Variants in CD8B2 observed in about 807,000 individuals in gnomAD.
The protein encoded by CD8B2 is CD8B family member 2.
Under a neutral mutation model 23.7 loss-of-function variants are expected in CD8B2, and 11 were observed. The ratio of observed to expected loss-of-function variants is 0.46; its 90% confidence interval spans 0.29 to 0.77. The LOEUF (loss-of-function observed/expected upper bound fraction) is 0.77, where lower values mean the gene tolerates loss of function less well. Ranked by LOEUF, CD8B2 falls within the 30% of genes least tolerant of loss-of-function variation. The pLI, the probability that CD8B2 is intolerant of heterozygous loss-of-function variation, is 0.09. For synonymous variants in CD8B2, 90 were observed against 109.3 expected, an observed-to-expected ratio of 0.82 and a Z score of 1.10; for missense variants, 197 against 270.5, an observed-to-expected ratio of 0.73 and a Z score of 1.91.
downstream of CD8B2, among the ~76,000 whole-genome samples, chr2:106,511,465 C>T (rs962691749): frequency 6.6e-4 from 88 of 133,600 alleles, no homozygotes; most frequent in African/African-American, 2.1e-3. Context: ...CCCTTCCTTT[C>T]AGTGGGAAGT....
chr2:106,530,561 A>G (rs1679978527), intron 5 of CD8B2, among the ~76,000 whole-genome samples: 2 of 152,138 alleles, frequency 1.3e-5, no homozygotes, highest in Non-Finnish European at 1.5e-5. Context: ...TTGTATTTTT[A>G]GTAGAGATGG....
Position 106,491,146 on chromosome 2 carries a change from G to A in CD8B2, c.316G>A (p.Val106Met), listed in dbSNP as rs533526934. Residue 106 changes from valine to methionine, a missense_variant, in exon 2 of 6, where the codon GTG becomes ATG. Around this residue, in one of 3 missense-constraint regions of CD8B2, gnomAD observed 140 missense variants for 164.2 expected, o/e 0.85. Coordinates refer to ENST00000643224, the MANE Select transcript of CD8B2 (RefSeq NM_001349727.2). ...ASRFILNLTS[V>M]KPEDSGIYFC... Reference sequence around the variant, plus strand: ...CCGGTTCATTCTCAATCTCACAAGCGTGAAGCCGGAGGACAGTGGCATCTA... The same window carrying A: ...CCGGTTCATTCTCAATCTCACAAGCATGAAGCCGGAGGACAGTGGCATCTA... The A allele has an allele frequency of 1.9e-5, 31 of 1,613,772 alleles. No individual in the cohort carries two copies. The highest frequency in any genetic ancestry group is 1.8e-4 in the South Asian group (16 of 91,076).
intron 5 of CD8B2, among the ~76,000 whole-genome samples, chr2:106,531,483 G>A (rs1419200543): frequency 6.6e-6 from 1 of 152,134 alleles, no homozygotes; most frequent in African/African-American, 2.4e-5. Context: ...TATCCAAGAT[G>A]TCCTGGAACC....
At chr2:106,504,441 G>A (rs753268838) in intron 5 of CD8B2, 116 bp downstream of exon 5, 43 of 1,534,598 alleles carry the variant, frequency 2.8e-5, no homozygotes, top group Non-Finnish European at 3.8e-5. Flanking sequence ...CATAGACTCG[G>A]CCGGGCGTGG....
At chr2:106,513,182 C>G (rs1481233382), downstream of CD8B2, among the ~76,000 whole-genome samples, 1 of 151,436 alleles carries the variant, frequency 6.6e-6, no homozygotes, top group African/African-American at 2.4e-5. Flanking sequence ...GTTTACTCTG[C>G]CAAGTACAAT....
chr2:106,515,762 G>T (rs1679720271), downstream of CD8B2, among the ~76,000 whole-genome samples: 1 of 152,074 alleles, frequency 6.6e-6, no homozygotes, highest in South Asian at 2.1e-4. Flanking sequence ...ACAGCATCAA[G>T]AAATCTGAGC....
At chr2:106,517,778 T>A (rs1679752913) in intron 5 of CD8B2, among the ~76,000 whole-genome samples, 1 of 152,098 alleles carries the variant, frequency 6.6e-6, no homozygotes, top group Non-Finnish European at 1.5e-5. Flanking sequence ...AGTGGCGCGA[T>A]CTCGGCTCAC....
intron 5 of CD8B2, among the ~76,000 whole-genome samples, chr2:106,524,927 C>T (rs1679888005): frequency 1.3e-5 from 2 of 152,114 alleles, no homozygotes; most frequent in African/African-American, 4.8e-5. Context: ...CTCAGAGCAC[C>T]CACTCCAGTA....
chr2:106,538,131 G>A (rs1396827224), intron 5 of CD8B2: 1 of 152,158 alleles, frequency 6.6e-6, no homozygotes, highest in African/African-American at 2.4e-5. Context: ...TCATCAGCTT[G>A]ACTACCAAAG....
chr2:106,502,398 G>A (rs1365388075), intron 3 of CD8B2, 76 bp from the exon 4 acceptor site: 11 of 768,124 alleles, frequency 1.4e-5, no homozygotes, highest in East Asian at 2.8e-5. Flanking sequence ...TGAATTTTTC[G>A]CTCCTTGTAT....
chr2:106,536,672 G>A (rs1010206940), intron 5 of CD8B2, among the ~76,000 whole-genome samples: 6 of 152,190 alleles, frequency 3.9e-5, no homozygotes, highest in Non-Finnish European at 7.3e-5. Flanking sequence ...GAGGGTAGGC[G>A]AGCTGCCAGC....
intron 5 of CD8B2, among the ~76,000 whole-genome samples, chr2:106,504,766 TC>T (rs1385004678): frequency 2.6e-5 from 4 of 152,122 alleles, no homozygotes; most frequent in Non-Finnish European, 5.9e-5. Context: ...CCCAAACTCA[TC>T]CCATCCGTTA....
intron 4 of CD8B2, among the ~76,000 whole-genome samples, chr2:106,502,959 A>G (rs1023933756): frequency 2.6e-5 from 4 of 151,798 alleles, no homozygotes; most frequent in African/African-American, 9.7e-5. Flanking sequence ...ACCAAAGCCC[A>G]GTGTCCAGAA....
At chr2:106,499,420 G>A (rs190310056) in intron 3 of CD8B2, among the ~76,000 whole-genome samples, 227 of 151,208 alleles carry the variant, frequency 1.5e-3, no homozygotes, top group Non-Finnish European at 2.3e-3. Flanking sequence ...TAATCCCAAC[G>A]ACTTAGGAGG....
At chr2:106,541,139 C>T (rs1159271196) in intron 5 of CD8B2, among the ~76,000 whole-genome samples, 1 of 152,030 alleles carries the variant, frequency 6.6e-6, no homozygotes, top group African/African-American at 2.4e-5. Context: ...AGGTAGGCCA[C>T]GGTGGCACGC....
intron 5 of CD8B2, among the ~76,000 whole-genome samples, chr2:106,529,932 A>C (rs1279016451): frequency 6.6e-6 from 1 of 152,212 alleles, no homozygotes; most frequent in Non-Finnish European, 1.5e-5. Flanking sequence ...AGTTAGTGAA[A>C]AACCATAGCA....
intron 5 of CD8B2, among the ~76,000 whole-genome samples, chr2:106,525,980 G>A (rs1253512863): frequency 6.6e-6 from 1 of 152,186 alleles, no homozygotes; most frequent in East Asian, 1.9e-4. Context: ...GGTGGCTTAC[G>A]CCTGTAATTC....
At chr2:106,523,872 C>T (rs72821872) in intron 5 of CD8B2, among the ~76,000 whole-genome samples, 8 of 152,204 alleles carry the variant, frequency 5.3e-5, no homozygotes, top group South Asian at 2.1e-4. Flanking sequence ...CTCATTGGGT[C>T]GGCTGTCTCA....
chr2:106,535,257 C>T (rs1680068545), intron 5 of CD8B2: 1 of 152,146 alleles, frequency 6.6e-6, no homozygotes, highest in Non-Finnish European at 1.5e-5. Context: ...GGGGGCATGT[C>T]AGACACTGCA....
Sources: allele counts gnomAD v4.1 joint callset (sites outside exome capture counted in the v4.1 genomes callset), GRCh38; gene constraint gnomAD v4.1.1; regional missense constraint gnomAD v4.1.1; transcripts MANE v1.5; gene names NCBI Gene and HGNC (gene_info 2026-07-23, HGNC 2026-07-21).